The following PTPRM variants were observed in gnomAD, a reference collection of about 807,000 sequenced individuals.
PTPRM encodes protein tyrosine phosphatase receptor type M.
PTPRM carries 47 observed loss-of-function variants against 186.7 expected under a neutral mutation model. The ratio of observed to expected loss-of-function variants is 0.25; its 90% CI spans 0.20 to 0.32. PTPRM has a LOEUF of 0.32. PTPRM is among the 10% of genes least tolerant of loss of function. The pLI, the probability that PTPRM is intolerant of heterozygous loss-of-function variation, is 1.00. For missense variants in PTPRM, 1,494 were observed against 1,865.0 expected, an observed-to-expected ratio of 0.80 and a Z score of 3.66; for synonymous variants, 668 against 674.9, an observed-to-expected ratio of 0.99 and a Z score of 0.16.
chr18:8,187,582 CAG>C (rs1256198112), intron 14 of PTPRM, among the ~76,000 whole-genome samples: 1 of 152,176 alleles, frequency 6.6e-6, no homozygotes, highest in African/African-American at 2.4e-5. Flanking sequence ...TCTCTGGTAA[CAG>C]TGTGGACAGC....
intron 1 of PTPRM, among the ~76,000 whole-genome samples, chr18:7,599,045 G>T (rs1598490460): frequency 6.6e-6 from 1 of 152,250 alleles, no homozygotes; most frequent in East Asian, 1.9e-4. Flanking sequence ...TCTGTGGCAT[G>T]AGTAGTTTAA....
intron 7 of PTPRM, among the ~76,000 whole-genome samples, chr18:8,001,429 G>A (rs1056542697): frequency 6.6e-5 from 10 of 152,240 alleles, no homozygotes; most frequent in Admixed American, 2.0e-4. Flanking sequence ...TGGTGCATGC[G>A]AATGGGTGTG....
chr18:8,258,027 C>G (rs913819929), intron 19 of PTPRM, among the ~76,000 whole-genome samples: 1 of 152,078 alleles, frequency 6.6e-6, no homozygotes, highest in African/African-American at 2.4e-5. Context: ...GCACCTCTCA[C>G]CAGGGAGATG....
chr18:7,725,450 C>T (rs1042499822), intron 1 of PTPRM, among the ~76,000 whole-genome samples: 2 of 152,052 alleles, frequency 1.3e-5, no homozygotes, highest in African/African-American at 4.8e-5. Context: ...TCCCTATCCT[C>T]AAGCCAAAGA....
At chr18:7,946,476 T>A (rs537611877) in intron 5 of PTPRM, among the ~76,000 whole-genome samples, 1 of 152,328 alleles carries the variant, frequency 6.6e-6, no homozygotes, top group Admixed American at 6.5e-5. Context: ...TGGTTCTTTT[T>A]CAGTTTGGAA....
chr18:8,331,487 C>G (rs1258695131), intron 22 of PTPRM, among the ~76,000 whole-genome samples: 2 of 152,238 alleles, frequency 1.3e-5, no homozygotes, highest in African/African-American at 4.8e-5. Flanking sequence ...AAAGCCTACA[C>G]TCTAGAGTTG....
chr18:8,367,354 C>A (rs2095636976), intron 23 of PTPRM, among the ~76,000 whole-genome samples: 1 of 152,254 alleles, frequency 6.6e-6, no homozygotes, highest in African/African-American at 2.4e-5. Flanking sequence ...TTGCCCAGCA[C>A]GCATTCTAGA....
chr18:7,861,205 A>T (rs1309015707), intron 2 of PTPRM, among the ~76,000 whole-genome samples: 1 of 152,090 alleles, frequency 6.6e-6, no homozygotes, highest in Non-Finnish European at 1.5e-5. Flanking sequence ...TGAATGTATG[A>T]TGTTTCAACC....
chr18:8,137,571 T>A (rs139957884), intron 13 of PTPRM, among the ~76,000 whole-genome samples: 21 of 152,308 alleles, frequency 1.4e-4, no homozygotes, highest in African/African-American at 4.8e-4. Flanking sequence ...CTCAAGGTAC[T>A]GTTCTGTTAT....
rs545020947 is a variant in PTPRM at position 7,780,707 on chromosome 18, G to A, written c.196+6436G>A. Among the ~76,000 whole-genome samples the A allele has an allele frequency of 5.3e-5, 8 of 152,296 alleles. No individual in the cohort carries two copies. In the East Asian group the frequency reaches 1.5e-3, roughly 29 times the overall value. Reference sequence around the variant, plus strand: ...CCATGGAGGAGGCAGGCAGTCCACAGGTAAGGGTAGAAAATAGACTGTCAT... The same window carrying A: ...CCATGGAGGAGGCAGGCAGTCCACAAGTAAGGGTAGAAAATAGACTGTCAT... On this transcript the variant is annotated intron_variant, in intron 2 of 32. Transcript: ENST00000580170.
chr18:7,961,915 A>T (rs2053708594), intron 7 of PTPRM, among the ~76,000 whole-genome samples: 1 of 152,238 alleles, frequency 6.6e-6, no homozygotes, highest in Non-Finnish European at 1.5e-5. Flanking sequence ...ACATAACTAT[A>T]ATAAAAACTT....
chr18:7,940,950 C>A (rs533870491), intron 5 of PTPRM, among the ~76,000 whole-genome samples: 1 of 152,074 alleles, frequency 6.6e-6, no homozygotes, highest in African/African-American at 2.4e-5. Flanking sequence ...ATATGCAGTG[C>A]AGATGCCTTT....
intron 13 of PTPRM, among the ~76,000 whole-genome samples, chr18:8,138,591 A>G (rs1194672543): frequency 6.6e-6 from 1 of 152,126 alleles, no homozygotes; most frequent in Non-Finnish European, 1.5e-5. Context: ...GAAGCCATCA[A>G]AAGAGACCTT....
intron 18 of PTPRM, 97 bp downstream of exon 18, chr18:8,252,596 T>C (rs2094538346): frequency 8.5e-6 from 10 of 1,180,140 alleles, no homozygotes; most frequent in Admixed American, 8.4e-5. Context: ...TGCTGCTCTG[T>C]GCTGGCCTGC....
intron 1 of PTPRM, among the ~76,000 whole-genome samples, chr18:7,716,220 A>G (rs947417983): frequency 1.3e-5 from 2 of 152,228 alleles, no homozygotes; most frequent in African/African-American, 4.8e-5. Context: ...GTCTGCAACC[A>G]TCTGGACTCT....
At chr18:7,672,799 T>C (rs991983010) in intron 1 of PTPRM, among the ~76,000 whole-genome samples, 1 of 152,220 alleles carries the variant, frequency 6.6e-6, no homozygotes, top group Non-Finnish European at 1.5e-5. Flanking sequence ...TGTGTAGAGT[T>C]GGGCAGGCTG....
At chr18:8,165,184 G>A (rs1424169593) in intron 14 of PTPRM, among the ~76,000 whole-genome samples, 3 of 146,632 alleles carry the variant, frequency 2.0e-5, no homozygotes, top group South Asian at 2.2e-4. Context: ...AAAAAAAAAA[G>A]AAAGAAAGAA....
intron 1 of PTPRM, chr18:7,741,476 A>G (rs2040883672): frequency 6.6e-6 from 1 of 152,198 alleles, no homozygotes; most frequent in Admixed American, 6.5e-5. Flanking sequence ...CAAGGAATTT[A>G]TCTTCCCAAG....
chr18:8,405,728 C>T (rs543339100), intron 32 of PTPRM, among the ~76,000 whole-genome samples: 3 of 152,312 alleles, frequency 2.0e-5, no homozygotes, highest in African/African-American at 7.2e-5. Context: ...TACCAAGGGC[C>T]TTGTGAGAGA....
Sources: gnomAD v4.1 joint callset for allele counts (sites outside exome capture counted in the v4.1 genomes callset) on GRCh38, gnomAD v4.1.1 for gene constraint, MANE v1.5 for transcripts, NCBI Gene and HGNC (gene_info 2026-07-23, HGNC 2026-07-21) for gene names.